The following COL6A5 variants were observed in gnomAD, a reference collection of about 807,000 sequenced individuals.
COL6A5 encodes the protein collagen type VI alpha 5 chain, also known as collagen alpha-5(VI) chain.
COL6A5 carries 48 observed loss-of-function variants against 65.6 expected under a neutral mutation model. The ratio of observed to expected loss-of-function variants is 0.73; its 90% CI spans 0.58 to 0.93. The LOEUF (loss-of-function observed/expected upper bound fraction) is 0.93, where lower values mean the gene tolerates loss of function less well. Among genes scored for constraint, COL6A5 ranks in the 40% least tolerant of loss-of-function variants. COL6A5 has a pLI of 0.00. For synonymous variants in COL6A5, 291 were observed against 322.8 expected (o/e 0.90, Z 1.05); for missense variants, 914 against 928.3 (o/e 0.98, Z 0.20).
chr3:130,389,092 G>T (rs1205897677), exon 6 of COL6A5: 1 of 1,455,260 alleles, frequency 6.9e-7, no homozygotes, highest in East Asian at 2.5e-5. Context: ...TCATCTAAAG[G>T]CACTAGAAAG....
At chr3:130,403,736 C>T (rs1936893704) in intron 13 of COL6A5, 74 bp downstream of exon 13, 3 of 1,083,258 alleles carry the variant, frequency 2.8e-6, no homozygotes, top group African/African-American at 3.2e-5. Context: ...CACAAACACA[C>T]ACTTATTTTC....
At chr3:130,466,355 C>A (rs1441148153) in intron 5 of COL6A5, among the ~76,000 whole-genome samples, 1 of 151,736 alleles carries the variant, frequency 6.6e-6, no homozygotes, top group East Asian at 1.9e-4. Flanking sequence ...CTAAATAAAG[C>A]AGTTTTAAAT....
At chr3:130,360,189 G>A (rs1201638830) in intron 1 of COL6A5, among the ~76,000 whole-genome samples, 4 of 152,072 alleles carry the variant, frequency 2.6e-5, no homozygotes, top group Non-Finnish European at 4.4e-5. Context: ...AACTGCAAAC[G>A]AGCATCTGCT....
At chr3:130,421,289 T>A in intron 26 of COL6A5, 36 bp from the exon 27 acceptor site, 1 of 1,549,182 alleles carries the variant, frequency 6.5e-7, no homozygotes, top group Middle Eastern at 1.7e-4. Context: ...AGAAGTGATA[T>A]GTTGATGTAT....
intron 28 of COL6A5, among the ~76,000 whole-genome samples, chr3:130,423,252 A>G (rs145007878): frequency 6.6e-6 from 1 of 152,222 alleles, no homozygotes; most frequent in Non-Finnish European, 1.5e-5. Flanking sequence ...TCTAATTAGC[A>G]AAGTGCAAAA....
exon 19 of COL6A5, chr3:130,410,042 C>T (rs1271559631): frequency 2.6e-6 from 4 of 1,549,908 alleles, no homozygotes; most frequent in South Asian, 1.2e-5. Flanking sequence ...CATCAAAGGA[C>T]AAAAGGGCTC....
chr3:130,455,502 T>C, exon 5 of COL6A5: 3 of 1,612,736 alleles, frequency 1.9e-6, no homozygotes, highest in South Asian at 2.2e-5. Flanking sequence ...AATGGCTTCA[T>C]TGGCCAAGAA....
intron 1 of COL6A5, among the ~76,000 whole-genome samples, chr3:130,349,597 TGC>T (rs1934627601): frequency 6.6e-6 from 1 of 152,182 alleles, no homozygotes; most frequent in Non-Finnish European, 1.5e-5. Context: ...ATAAAAACAT[TGC>T]CTAAGAAGGG....
intron 7 of COL6A5, among the ~76,000 whole-genome samples, 193 bp from the exon 41 acceptor site, chr3:130,483,842 A>G (rs552886041): frequency 6.6e-4 from 101 of 152,282 alleles, no homozygotes; most frequent in Non-Finnish European, 1.2e-3. Flanking sequence ...AATTATGTCT[A>G]TGATTCTCCT....
exon 6 of COL6A5, chr3:130,469,402 G>A: frequency 6.2e-7 from 1 of 1,612,958 alleles, no homozygotes; most frequent in Non-Finnish European, 8.5e-7. Flanking sequence ...ATCATCACTT[G>A]GTCCAACTTG....
At chr3:130,477,949 C>T (rs962161125) in intron 7 of COL6A5, among the ~76,000 whole-genome samples, 7 of 151,998 alleles carry the variant, frequency 4.6e-5, no homozygotes, top group Non-Finnish European at 8.8e-5. Context: ...AATCTTTTAA[C>T]AGCATTTTAT....
intron 4 of COL6A5, among the ~76,000 whole-genome samples, chr3:130,444,580 A>C (rs1709264075): frequency 6.6e-6 from 1 of 152,114 alleles, no homozygotes; most frequent in Non-Finnish European, 1.5e-5. Flanking sequence ...CTTTTTATAT[A>C]AATGTGCCAT....
At chr3:130,473,826 T>G (rs370775800) in intron 7 of COL6A5, among the ~76,000 whole-genome samples, 1 of 151,958 alleles carries the variant, frequency 6.6e-6, no homozygotes, top group African/African-American at 2.4e-5. Context: ...ATATGAAGGG[T>G]GGTGGAAGCT....
chr3:130,373,665 C>G, exon 2 of COL6A5: 1 of 1,542,006 alleles, frequency 6.5e-7, no homozygotes, highest in Admixed American at 2.0e-5. Flanking sequence ...TTATATTTGT[C>G]CTAATCATTT....
At chr3:130,362,546 G>C (rs1319990739) in intron 1 of COL6A5, among the ~76,000 whole-genome samples, 1 of 151,866 alleles carries the variant, frequency 6.6e-6, no homozygotes, top group African/African-American at 2.4e-5. Context: ...TTTACAGAAG[G>C]TCTTGAAGTC....
intron 24 of COL6A5, 40 bp downstream of exon 24, chr3:130,416,859 A>G: frequency 2.8e-6 from 3 of 1,054,422 alleles, no homozygotes; most frequent in Non-Finnish European, 2.7e-6. Context: ...TTAAAAACAT[A>G]TTTTATATTT....
chr3:130,419,022 G>A (rs13062453), intron 25 of COL6A5, 91 bp downstream of exon 25: 710,257 of 981,024 alleles, frequency 0.72, 265,759 homozygotes, highest in Non-Finnish European at 0.79. Context: ...CCCAATTATG[G>A]GGGGCATGAA....
At chr3:130,408,560 T>G (rs999390687) in intron 17 of COL6A5, among the ~76,000 whole-genome samples, 15 of 152,196 alleles carry the variant, frequency 9.9e-5, no homozygotes, top group African/African-American at 3.6e-4. Flanking sequence ...TCTGTCTCTC[T>G]GCCCTTGTGA....
intron 1 of COL6A5, among the ~76,000 whole-genome samples, chr3:130,436,460 C>A (rs981426582): frequency 1.3e-5 from 2 of 151,934 alleles, no homozygotes; most frequent in African/African-American, 4.8e-5. Context: ...GGAAAAAAAA[C>A]ATTGTCTATA....
Sources: gnomAD v4.1 joint callset for allele counts (sites outside exome capture counted in the v4.1 genomes callset) on GRCh38, gnomAD v4.1.1 for gene constraint, MANE v1.5 for transcripts, NCBI Gene and HGNC (gene_info 2026-07-23, HGNC 2026-07-21) for gene names.